Variants in SLIT3 observed in about 807,000 individuals in gnomAD.
The protein encoded by SLIT3 is slit guidance ligand 3, also known as slit homolog 3 protein.
Under a neutral mutation model 184.0 loss-of-function variants are expected in SLIT3, and 68 were observed. The observed-to-expected ratio is 0.37, with a 90% CI of 0.30 to 0.45. SLIT3 has a LOEUF of 0.45. SLIT3 is among the 20% of genes least tolerant of loss of function. The pLI, the probability that SLIT3 is intolerant of heterozygous loss-of-function variation, is 1.00. For synonymous variants in SLIT3, 831 were observed against 828.6 expected (o/e 1.00, Z -0.05); for missense variants, 1,707 against 2,026.0 (o/e 0.84, Z 3.02).
intron 4 of SLIT3, among the ~76,000 whole-genome samples, chr5:168,939,415 G>A (rs988894296): frequency 1.3e-5 from 2 of 152,204 alleles, no homozygotes; most frequent in African/African-American, 4.8e-5. Context: ...AACTTACACT[G>A]CAGAAGTTTG....
intron 4 of SLIT3, among the ~76,000 whole-genome samples, chr5:169,129,396 A>C (rs1351437193): frequency 6.6e-6 from 1 of 152,134 alleles, no homozygotes. Context: ...TACTAAAAAT[A>C]CAAAAATAAG....
chr5:169,262,701 T>G (rs957650519), intron 1 of SLIT3, among the ~76,000 whole-genome samples: 1 of 151,926 alleles, frequency 6.6e-6, no homozygotes, highest in Non-Finnish European at 1.5e-5. Context: ...AAGAAGGGGG[T>G]TCTCATTACT....
chr5:169,137,465 A>G (rs939857340), intron 4 of SLIT3, among the ~76,000 whole-genome samples: 20 of 151,718 alleles, frequency 1.3e-4, no homozygotes, highest in Admixed American at 3.9e-4. Context: ...TCTCCTATCA[A>G]TGCAAATCTC....
chr5:169,004,121 T>C (rs1299107654), intron 4 of SLIT3, among the ~76,000 whole-genome samples: 1 of 151,992 alleles, frequency 6.6e-6, no homozygotes. Flanking sequence ...GTCCATTAAT[T>C]GAAAGGACTT....
At chr5:168,995,153 C>A (rs1347356072) in intron 4 of SLIT3, among the ~76,000 whole-genome samples, 3 of 152,046 alleles carry the variant, frequency 2.0e-5, no homozygotes, top group Admixed American at 2.0e-4. Context: ...CGTCACTCAA[C>A]CACAGCACGC....
rs115916132 is a variant in SLIT3, at chr5:168,920,440, G to C, written c.414-37104C>G. Among the ~76,000 whole-genome samples, 886 of 152,252 alleles carry C rather than the reference G, an allele frequency of 5.8e-3. 5 individuals are homozygous for C. Among genetic ancestry groups the C allele is most frequent in the Non-Finnish European group, 5.9e-3 (402 of 68,028 alleles). Reference sequence around the variant, plus strand: ...CACACACCTGGGCTAATTTTGCTGAGAGCAGGGGCAACAACTTAACTAGAG... The same window carrying C: ...CACACACCTGGGCTAATTTTGCTGACAGCAGGGGCAACAACTTAACTAGAG... On this transcript the variant is annotated intron_variant, in intron 4 of 35. Coordinates refer to ENST00000519560, the MANE Select transcript of SLIT3 (RefSeq NM_003062.4).
At chr5:169,190,604 T>C (rs534536774) in intron 4 of SLIT3, among the ~76,000 whole-genome samples, 7 of 152,332 alleles carry the variant, frequency 4.6e-5, no homozygotes, top group East Asian at 1.9e-4. Flanking sequence ...TTCCAAGAGA[T>C]AGTCTTCAGA....
chr5:168,901,233 G>A (rs898096323), intron 4 of SLIT3, among the ~76,000 whole-genome samples: 14 of 152,028 alleles, frequency 9.2e-5, no homozygotes, highest in South Asian at 6.2e-4. Flanking sequence ...GCGTGGCGGC[G>A]GGCGCCTGTA....
intron 4 of SLIT3, among the ~76,000 whole-genome samples, chr5:168,935,819 G>A (rs192815761): frequency 5.9e-5 from 9 of 152,346 alleles, no homozygotes; most frequent in Non-Finnish European, 1.2e-4. Flanking sequence ...TGTGCTCACA[G>A]ACAACTGTGG....
At chr5:168,718,215 G>T (rs1192612304) in intron 23 of SLIT3, 1 of 143,938 alleles carries the variant, frequency 6.9e-6, no homozygotes, top group African/African-American at 2.8e-5. Context: ...GTCTCAGAAG[G>T]TAATCAAGCA....
At chr5:169,060,519 C>T (rs1437434499) in intron 4 of SLIT3, among the ~76,000 whole-genome samples, 1 of 152,230 alleles carries the variant, frequency 6.6e-6, no homozygotes, top group Non-Finnish European at 1.5e-5. Flanking sequence ...ACCTGCACAG[C>T]ACTGTGGGCA....
chr5:168,848,380 A>G (rs555289868), intron 5 of SLIT3, among the ~76,000 whole-genome samples: 48 of 152,306 alleles, frequency 3.2e-4, no homozygotes, highest in African/African-American at 1.1e-3. Flanking sequence ...CTTGGGAAGG[A>G]GACTTGAAAT....
At chr5:169,200,121 G>A (rs1763865521) in intron 3 of SLIT3, among the ~76,000 whole-genome samples, 1 of 152,304 alleles carries the variant, frequency 6.6e-6, no homozygotes, top group South Asian at 2.1e-4. Flanking sequence ...TGACAAGCAA[G>A]GTGAGCAGGG....
intron 32 of SLIT3, among the ~76,000 whole-genome samples, chr5:168,673,818 C>G (rs1350682937): frequency 6.6e-6 from 1 of 152,186 alleles, no homozygotes; most frequent in Admixed American, 6.5e-5. Context: ...AGTCTAGGGT[C>G]AGGTATTGCA....
chr5:168,851,845 A>C (rs982536602), intron 5 of SLIT3, among the ~76,000 whole-genome samples: 2 of 152,174 alleles, frequency 1.3e-5, no homozygotes, highest in Non-Finnish European at 2.9e-5. Context: ...CTAAACCTTA[A>C]AATGTCTGTT....
chr5:168,856,655 T>G (rs1758879359), intron 5 of SLIT3, among the ~76,000 whole-genome samples: 1 of 152,072 alleles, frequency 6.6e-6, no homozygotes, highest in South Asian at 2.1e-4. Flanking sequence ...TAGTGTGGGA[T>G]TAGCCACTGT....
intron 1 of SLIT3, among the ~76,000 whole-genome samples, chr5:169,275,927 T>C (rs755063): frequency 0.72 from 109,169 of 151,882 alleles, 39,416 homozygotes; most frequent in East Asian, 0.84. Context: ...AGATAAGGCT[T>C]TTGGATTGTA....
chr5:169,274,161 C>CT (rs1561781520), intron 1 of SLIT3, among the ~76,000 whole-genome samples: 1 of 152,180 alleles, frequency 6.6e-6, no homozygotes, highest in East Asian at 1.9e-4. Context: ...GCAGGTGGGC[C>CT]TATCAATTTG....
intron 23 of SLIT3, among the ~76,000 whole-genome samples, 164 bp downstream of exon 23, chr5:168,722,092 G>A (rs1303156709): frequency 6.6e-6 from 1 of 151,958 alleles, no homozygotes; most frequent in African/African-American, 2.4e-5. Flanking sequence ...GACTCTCAAA[G>A]GTAGCTCTCT....
Sources: allele counts gnomAD v4.1 joint callset (sites outside exome capture counted in the v4.1 genomes callset), GRCh38; gene constraint gnomAD v4.1.1; transcripts MANE v1.5; gene names NCBI Gene and HGNC (gene_info 2026-07-23, HGNC 2026-07-21).